Variants in RBM24 observed in about 807,000 individuals in gnomAD.
RBM24 encodes the protein RNA binding motif protein 24.
In RBM24, 5 loss-of-function variants were observed where a neutral mutation model predicts 23.6. The ratio of observed to expected loss-of-function variants is 0.21; its 90% CI spans 0.11 to 0.45. The LOEUF (loss-of-function observed/expected upper bound fraction) is 0.45. RBM24 is among the 20% of genes least tolerant of loss of function. The pLI is 0.99. For missense variants in RBM24, 252 were observed against 314.6 expected (o/e 0.80, Z 1.51); for synonymous variants, 151 against 129.5 (o/e 1.17, Z -1.13).
Position 17,281,926 on chromosome 6 carries a change from C to G in RBM24, c.168+177C>G. ...TGCTAGGGGAGAGGGTCGGCGCCAG[C>G]CTCGCGGGGTTCGGAGAAGACCCAG... On this transcript the variant is annotated intron_variant, in intron 1 of 3. Coordinates refer to ENST00000379052, the MANE Select transcript of RBM24 (RefSeq NM_001143942.2). The surrounding 1 kb of genome is among the most constrained non-coding windows in gnomAD (Gnocchi z 7.1). 1 of 1,334,940 alleles carries G rather than the reference C, an allele frequency of 7.5e-7. No individual in the cohort carries two copies. The highest frequency in any genetic ancestry group is 1.0e-6 in the Non-Finnish European group (1 of 999,086). The allele number at this position is 1,334,940 out of a possible 1,614,324, so 82.7% of individuals were successfully genotyped here. A position where few individuals can be genotyped will look rare whatever the true frequency, so the allele number is the denominator to read the frequency against.
intron 1 of RBM24, 101 bp from the exon 2 acceptor site, chr6:17,282,704 C>T (rs1022864593): frequency 3.6e-6 from 5 of 1,394,310 alleles, no homozygotes; most frequent in East Asian, 3.4e-5. Context: ...AAAGTTTGAT[C>T]TCAGTTTTAT....
chr6:17,293,754 G>A lies in RBM24; in HGVS notation c.*1635G>A, dbSNP rs1369406251. The stretch of plus-strand genomic sequence containing the variant: ...ACTTTAAGTATTCCCATACTAGACA[G>A]TGTTATGTAATGTAGACATGACTCT... On this transcript the variant is annotated 3_prime_UTR_variant, in exon 4 of 4. Coordinates refer to ENST00000379052, the MANE Select transcript of RBM24 (RefSeq NM_001143942.2). 6.6e-6 allele frequency: 1 copy of A among 152,562 alleles called. No individual in the cohort carries two copies. 9.5% of individuals were successfully genotyped at this position (152,562 alleles called of 1,614,324 possible). A position where few individuals can be genotyped will look rare whatever the true frequency, so the allele number is the denominator to read the frequency against.
In RBM24 at chr6:17,281,531, T is replaced by C; in HGVS notation, c.-51T>C. The C allele has an allele frequency of 1.4e-6, 2 of 1,448,008 alleles. No individual in the cohort carries two copies. Among genetic ancestry groups the C allele is most frequent in the Non-Finnish European group, 1.8e-6 (2 of 1,100,970 alleles). 89.7% of individuals were successfully genotyped at this position (1,448,008 alleles called of 1,614,324 possible). A position where few individuals can be genotyped will look rare whatever the true frequency, so the allele number is the denominator to read the frequency against. ...GAGCCGGAGGAGGAGGCGCAGCCGC[T>C]GCCCGAGCCGCAGCCGCAGCCGGAG... On this transcript the variant is annotated 5_prime_UTR_variant, in exon 1 of 4. Transcript: ENST00000379052. This position sits in a 1 kb window ranked among gnomAD's most constrained non-coding sequence, Gnocchi z 7.1.
At position 17,284,979 on chromosome 6, in the gene RBM24, A is replaced by G. The variant is rs1289009530; in HGVS notation, c.347+268A>G. ...AAATACCAGGTATGACTTGTGTACA[A>G]GACGATTGTGTCCCATCACCATTAC... On this transcript the variant is annotated intron_variant, in intron 3 of 3. Transcript: ENST00000379052. 1.3e-5 allele frequency: 4 copies of G among 316,638 alleles called. No individual in the cohort carries two copies. In the Admixed American group the frequency reaches 1.5e-4, roughly 12 times the overall value. 19.6% of individuals were successfully genotyped at this position (316,638 alleles called of 1,614,324 possible).
intron 3 of RBM24, 129 bp downstream of exon 3, chr6:17,284,840 G>A (rs1760146105): frequency 1.6e-6 from 1 of 612,198 alleles, no homozygotes; most frequent in Non-Finnish European, 2.7e-6. Flanking sequence ...ATATATATTT[G>A]TGCATTTTTA....
chr6:17,286,100 A>G (rs1760186766), intron 3 of RBM24, among the ~76,000 whole-genome samples: 1 of 151,970 alleles, frequency 6.6e-6, no homozygotes, highest in Admixed American at 6.6e-5. Context: ...TAATAACTTG[A>G]CTTGGAAGAG....
intron 2 of RBM24, among the ~76,000 whole-genome samples, chr6:17,284,059 AT>A (rs1760117982): frequency 6.6e-6 from 1 of 152,192 alleles, no homozygotes; most frequent in Non-Finnish European, 1.5e-5. Flanking sequence ...TCCATCTGAA[AT>A]TTTGGGAAGA....
intron 1 of RBM24, 99 bp from the exon 2 acceptor site, chr6:17,282,706 C>CA: frequency 7.1e-7 from 1 of 1,410,828 alleles, no homozygotes; most frequent in Non-Finnish European, 9.5e-7. Flanking sequence ...AGTTTGATCT[C>CA]AGTTTTATCA....
rs2113415060 is a variant in RBM24 at position 17,292,278 on chromosome 6, A to G, written c.*159A>G. On this transcript the variant is annotated 3_prime_UTR_variant, in exon 4 of 4. Transcript: ENST00000379052. Reference sequence around the variant, plus strand: ...TTATTATTTTTTTTATACTCCAGGTAGTGTTCTAGATGAGAAAGAGGTAAG... The same window carrying G: ...TTATTATTTTTTTTATACTCCAGGTGGTGTTCTAGATGAGAAAGAGGTAAG... 1 of 643,952 alleles carries G rather than the reference A, an allele frequency of 1.6e-6. No individual in the cohort carries two copies. The highest frequency in any genetic ancestry group is 2.4e-6 in the Non-Finnish European group (1 of 420,730). 39.9% of individuals were successfully genotyped at this position (643,952 alleles called of 1,614,324 possible). A position where few individuals can be genotyped will look rare whatever the true frequency, so the allele number is the denominator to read the frequency against.
intron 3 of RBM24, chr6:17,291,010 T>C: frequency 1.7e-6 from 1 of 605,598 alleles, no homozygotes; most frequent in South Asian, 1.5e-5. Context: ...AATAGCATTT[T>C]TGTAGCTTCC....
chr6:17,282,200 C>G (rs1041476658), intron 1 of RBM24: 2 of 1,287,776 alleles, frequency 1.6e-6, no homozygotes, highest in Non-Finnish European at 2.0e-6. Context: ...GTGTCATCCC[C>G]CCGCCTTTTA....
intron 3 of RBM24, chr6:17,289,706 T>A: frequency 1.9e-6 from 2 of 1,035,266 alleles, no homozygotes; most frequent in Non-Finnish European, 2.3e-6. Flanking sequence ...CCTTTGCAGC[T>A]GATAGATGTT....
intron 1 of RBM24, chr6:17,282,126 G>A: frequency 8.2e-7 from 1 of 1,217,828 alleles, no homozygotes; most frequent in East Asian, 5.5e-5. Flanking sequence ...AAAAATGCGT[G>A]TGTTCTGGTG....
chr6:17,290,267 T>G (rs761169746), intron 3 of RBM24, among the ~76,000 whole-genome samples: 1 of 152,240 alleles, frequency 6.6e-6, no homozygotes, highest in South Asian at 2.1e-4. Context: ...TTACTTGTCC[T>G]TGTACTTCTT....
In RBM24 at chr6:17,281,608, G is replaced by A. The variant is rs752725806; in HGVS notation, c.27G>A (p.Thr9=). 1.3e-4 allele frequency: 209 copies of A among 1,548,392 alleles called. No individual in the cohort carries two copies. The highest frequency in any genetic ancestry group is 1.7e-4 in the Non-Finnish European group (200 of 1,146,238). Residue 9 remains threonine, a synonymous_variant, in exon 1 of 4, where the codon ACG becomes ACA. Coordinates refer to ENST00000379052, the MANE Select transcript of RBM24 (RefSeq NM_001143942.2). The surrounding 1 kb of genome is among the most constrained non-coding windows in gnomAD (Gnocchi z 7.1). Reference sequence around the variant, plus strand: ...TGCACACGACCCAGAAGGACACGACGTACACCAAGATCTTCGTCGGGGGGC... The same window carrying A: ...TGCACACGACCCAGAAGGACACGACATACACCAAGATCTTCGTCGGGGGGC... MHTTQKDT[T]YTKIFVGGLP...
At position 17,292,261 on chromosome 6, in the gene RBM24, T is replaced by A; in HGVS notation, c.*142T>A. 2.6e-6 allele frequency: 2 copies of A among 766,904 alleles called. No homozygotes were observed. Among genetic ancestry groups the A allele is most frequent in the East Asian group, 2.8e-5 (1 of 36,152 alleles). 47.5% of individuals were successfully genotyped at this position (766,904 alleles called of 1,614,324 possible). A position where few individuals can be genotyped will look rare whatever the true frequency, so the allele number is the denominator to read the frequency against. On this transcript the variant is annotated 3_prime_UTR_variant, in exon 4 of 4. Transcript: ENST00000379052. ...GCTATTGTGAAGCAGAGTTATTATTTTTTTTATACTCCAGGTAGTGTTCTA... is the reference window on the plus strand; with the variant it reads ...GCTATTGTGAAGCAGAGTTATTATTATTTTTATACTCCAGGTAGTGTTCTA...
chr6:17,282,564 G>T (rs1422568201), intron 1 of RBM24: 18 of 570,086 alleles, frequency 3.2e-5, no homozygotes, highest in African/African-American at 5.7e-5. Flanking sequence ...GGGGTGGGGG[G>T]AGGCAGGGTT....
intron 3 of RBM24, chr6:17,289,610 C>A: frequency 2.0e-6 from 2 of 985,354 alleles, no homozygotes; most frequent in Non-Finnish European, 2.4e-6. Context: ...TCAGAGATAC[C>A]AACCTAGCAC....
Position 17,282,869 on chromosome 6 carries a change from G to A in RBM24, c.233G>A (p.Gly78Asp). ...ACKDPNPIID[G>D]RKANVNLAYL... Reference sequence around the variant, plus strand: ...AAGGATCCCAATCCCATCATTGATGGCAGAAAGGCCAACGTGAACCTGGCA... The same window carrying A: ...AAGGATCCCAATCCCATCATTGATGACAGAAAGGCCAACGTGAACCTGGCA... The change falls in exon 2 of 4, where the codon GGC becomes GAC. Residue 78 changes from glycine to aspartate, a missense_variant. Physicochemically the swap from Gly to Asp is moderately conservative, Grantham distance 94. Transcript: ENST00000379052. 1 of 1,614,118 alleles carries A rather than the reference G, an allele frequency of 6.2e-7. No individual in the cohort carries two copies. The highest frequency in any genetic ancestry group is 8.5e-7 in the Non-Finnish European group (1 of 1,180,028).
Sources: gnomAD v4.1 joint callset for allele counts (sites outside exome capture counted in the v4.1 genomes callset) on GRCh38, gnomAD v4.1.1 for gene constraint, Gnocchi (gnomAD v3.1) non-coding constraint, MANE v1.5 for transcripts, NCBI Gene and HGNC (gene_info 2026-07-23, HGNC 2026-07-21) for gene names.